The following PRPH variants were observed in gnomAD, a reference collection of about 807,000 sequenced individuals.
The protein encoded by PRPH is neurofilament 4 (57kD).
In PRPH, 48 loss-of-function variants were observed where a neutral mutation model predicts 52.6. The ratio of observed to expected loss-of-function variants is 0.91; its 90% CI spans 0.72 to 1.16. The LOEUF (loss-of-function observed/expected upper bound fraction) is 1.16. Ranked by LOEUF, PRPH falls within the 50% of genes most tolerant of loss-of-function variation. The pLI, the probability that PRPH is intolerant of heterozygous loss-of-function variation, is 0.00. For missense variants in PRPH, 579 were observed against 635.7 expected (o/e 0.91, Z 0.96); for synonymous variants, 279 against 283.8 (o/e 0.98, Z 0.17).
In PRPH at chr12:49,296,272, C is replaced by A; in HGVS notation, c.606+34C>A. 6.2e-7 allele frequency: 1 copy of A among 1,609,140 alleles called. No individual in the cohort carries two copies. Among genetic ancestry groups the A allele is most frequent in the East Asian group, 2.2e-5 (1 of 44,778 alleles). ...GAGCCCCTCTCCGAGTTCAGCCTCC[C>A]CACCGCTACCCCCGATCTCAGTATC... is the stretch of plus-strand genomic sequence containing the variant. On this transcript the variant is annotated intron_variant, in intron 2 of 8. Transcript: ENST00000257860. The surrounding 1 kb of genome is among the most constrained non-coding windows in gnomAD (Gnocchi z 5.1).
At position 49,296,667 on chromosome 12, in the gene PRPH, G is replaced by A; in HGVS notation, c.702+140G>A. ...GCCCCTCCACCCTAGTCTACAGGTGGTTAGACTCCCACCCTTGCGCCACCT... is the reference window on the plus strand; with the variant it reads ...GCCCCTCCACCCTAGTCTACAGGTGATTAGACTCCCACCCTTGCGCCACCT... On this transcript the variant is annotated intron_variant, in intron 3 of 8. Transcript: ENST00000257860. The surrounding 1 kb of genome is among the most constrained non-coding windows in gnomAD (Gnocchi z 5.1). The A allele has an allele frequency of 1.8e-6, 2 of 1,100,468 alleles. No individual in the cohort carries two copies. Among genetic ancestry groups the A allele is most frequent in the East Asian group, 5.2e-5 (2 of 38,800 alleles). The allele number at this position is 1,100,468 out of a possible 1,614,324, so 68.2% of individuals were successfully genotyped here.
rs1200297808 is a variant in PRPH, at chr12:49,295,313, CCCGCTTCTCCAGCAG to C, written c.118_132del (p.Phe40_Arg44del). The C allele has an allele frequency of 7.4e-6, 12 of 1,611,610 alleles. No homozygotes were observed. Among genetic ancestry groups the C allele is most frequent in the Non-Finnish European group, 1.0e-5 (12 of 1,179,596 alleles). On this transcript the variant is annotated inframe_deletion, in exon 1 of 9. Transcript: ENST00000257860. ...GGGGCCTTCTCCTACTCGTCCAGCTCCCGCTTCTCCAGCAGCCGCCTGCTGGGCTCCGCGTCCCCG... is the reference window on the plus strand; with the variant it reads ...GGGGCCTTCTCCTACTCGTCCAGCTCCCGCCTGCTGGGCTCCGCGTCCCCG...
Position 49,296,960 on chromosome 12 carries a change from G to A in PRPH, c.774G>A (p.Lys258=), listed in dbSNP as rs1422766104. Residue 258 remains lysine, a synonymous_variant, in exon 4 of 9, where the codon AAG becomes AAA. Coordinates refer to ENST00000257860, the MANE Select transcript of PRPH (RefSeq NM_006262.4). This position sits in a 1 kb window ranked among gnomAD's most constrained non-coding sequence, Gnocchi z 5.1. ...VQQVEVEATV[K]PELTAALRDI... ...AGGTGGAGGTGGAAGCCACGGTGAA[G>A]CCCGAGCTGACGGCAGCGCTGAGGG... 1.9e-6 allele frequency: 3 copies of A among 1,613,738 alleles called. No homozygotes were observed. Among genetic ancestry groups the A allele is most frequent in the East Asian group, 2.2e-5 (1 of 44,858 alleles).
rs763900023 is a variant in PRPH at position 49,296,194 on chromosome 12, C to T, written c.562C>T (p.Arg188Cys). The T allele has an allele frequency of 7.4e-6, 12 of 1,612,668 alleles. No individual in the cohort carries two copies. Among genetic ancestry groups the T allele is most frequent in the Non-Finnish European group, 9.3e-6 (11 of 1,179,884 alleles). Residue 188 changes from arginine (R) to cysteine (C), a missense_variant, in exon 2 of 9, where the codon CGC becomes TGC. By Grantham distance (180) the Arg-to-Cys change is radical. Transcript: ENST00000257860. This position sits in a 1 kb window ranked among gnomAD's most constrained non-coding sequence, Gnocchi z 5.1. ...ALKQRLEEET[R>C]KREDAEHNLV... ...TCCCGTCAGGTTGGAGGAGGAGACG[C>T]GCAAGCGGGAGGACGCGGAGCACAA...
Position 49,298,574 on chromosome 12 carries a change from TAAG to T in PRPH, c.*225_*227del. 1 of 571,658 alleles carries T rather than the reference TAAG, an allele frequency of 1.7e-6. No homozygotes were observed. The highest frequency in any genetic ancestry group is 3.1e-6 in the Non-Finnish European group (1 of 318,004). 35.4% of individuals were successfully genotyped at this position (571,658 alleles called of 1,614,324 possible). On this transcript the variant is annotated 3_prime_UTR_variant, in exon 9 of 9. Coordinates refer to ENST00000257860, the MANE Select transcript of PRPH (RefSeq NM_006262.4). ...ATGTGCTTCCCTTTTCATGTCCCGA[TAAG>T]AAGCCAATGATCCCCCCTCAGGACA...
In PRPH at chr12:49,297,567, G is replaced by T. The variant is rs769495956; in HGVS notation, c.1207G>T (p.Glu403Ter). 3 of 1,609,164 alleles carry T rather than the reference G, an allele frequency of 1.9e-6. No individual in the cohort carries two copies. Among genetic ancestry groups the T allele is most frequent in the South Asian group, 2.2e-5 (2 of 90,964 alleles). The change falls in exon 6 of 9, where the codon GAG (glutamate) becomes TAG (stop). Residue 403 changes from glutamate to a stop codon, truncating the protein, a stop_gained. Coordinates refer to ENST00000257860, the MANE Select transcript of PRPH (RefSeq NM_006262.4). LOFTEE classifies it high-confidence loss of function. This position sits in a 1 kb window ranked among gnomAD's most constrained non-coding sequence, Gnocchi z 4.4. ...IATYRKLLEG[E>*]ESRISVPVHS... ...CACCTACCGCAAGCTGCTGGAGGGCGAGGAGAGCCGGTGAGGGTGGAGCTG... is the reference window on the plus strand; with the variant it reads ...CACCTACCGCAAGCTGCTGGAGGGCTAGGAGAGCCGGTGAGGGTGGAGCTG...
In PRPH at chr12:49,298,467, C is replaced by A; in HGVS notation, c.*114C>A. 1.7e-6 allele frequency: 2 copies of A among 1,210,102 alleles called. No individual in the cohort carries two copies. Among genetic ancestry groups the A allele is most frequent in the Non-Finnish European group, 2.4e-6 (2 of 838,084 alleles). The allele number at this position is 1,210,102 out of a possible 1,614,324, so 75.0% of individuals were successfully genotyped here. On this transcript the variant is annotated 3_prime_UTR_variant, in exon 9 of 9. Transcript: ENST00000257860. ...CATGTGTCTAAAAGGTGGTACCAGG[C>A]ATCCCTTTCCTGGCTTATGGCCAAG... is the stretch of plus-strand genomic sequence containing the variant.
At position 49,295,420 on chromosome 12, in the gene PRPH, C is replaced by A; in HGVS notation, c.220C>A (p.Pro74Thr). The A allele has an allele frequency of 1.2e-6, 2 of 1,605,088 alleles. No homozygotes were observed. Among genetic ancestry groups the A allele is most frequent in the Non-Finnish European group, 1.7e-6 (2 of 1,176,634 alleles). The change falls in exon 1 of 9, where the codon CCC becomes ACC. Residue 74 changes from proline (P) to threonine (T), a missense_variant. By Grantham distance (38) the Pro-to-Thr change is conservative. Coordinates refer to ENST00000257860, the MANE Select transcript of PRPH (RefSeq NM_006262.4). Reference sequence around the variant, plus strand: ...GGGAGCGGGCGCCCTCCTGCGCCTGCCCTCGGAGCGCCTCGACTTCTCCAT... The same window carrying A: ...GGGAGCGGGCGCCCTCCTGCGCCTGACCTCGGAGCGCCTCGACTTCTCCAT... ...RAGAGALLRL[P>T]SERLDFSMAE...
chr12:49,296,320 G>C lies in PRPH; in HGVS notation c.606+82G>C. On this transcript the variant is annotated intron_variant, in intron 2 of 8. Coordinates refer to ENST00000257860, the MANE Select transcript of PRPH (RefSeq NM_006262.4). This position sits in a 1 kb window ranked among gnomAD's most constrained non-coding sequence, Gnocchi z 5.1. ...ATCCAGAGGTGGCATCGGTGGGCGC[G>C]GGGAGAAGGGGGTAACCCAGATGCC... The C allele has an allele frequency of 3.2e-6, 5 of 1,568,504 alleles. No homozygotes were observed. Among genetic ancestry groups the C allele is most frequent in the South Asian group, 1.1e-5 (1 of 88,830 alleles).
chr12:49,297,627 G>T lies in PRPH; in HGVS notation c.1217+50G>T. 1 of 1,611,484 alleles carries T rather than the reference G, an allele frequency of 6.2e-7. No homozygotes were observed. Among genetic ancestry groups the T allele is most frequent in the Non-Finnish European group, 8.5e-7 (1 of 1,179,618 alleles). ...GGCAGGGCGGGGTCGGGACTGGGCC[G>T]GGCAGGGCGGGGCCTGGGCAGGGGC... is the stretch of plus-strand genomic sequence containing the variant. On this transcript the variant is annotated intron_variant, in intron 6 of 8. Coordinates refer to ENST00000257860, the MANE Select transcript of PRPH (RefSeq NM_006262.4). This position sits in a 1 kb window ranked among gnomAD's most constrained non-coding sequence, Gnocchi z 4.4.
chr12:49,298,119 T>G, intron 8 of PRPH, 82 bp downstream of exon 8: 3 of 1,526,340 alleles, frequency 2.0e-6, no homozygotes, highest in Non-Finnish European at 2.7e-6. Context: ...CTAATCTTAC[T>G]TAGGGTGGGT....
At position 49,296,661 on chromosome 12, in the gene PRPH, C is replaced by T. The variant is rs1334105253; in HGVS notation, c.702+134C>T. 1.8e-6 allele frequency: 2 copies of T among 1,091,850 alleles called. No individual in the cohort carries two copies. Among genetic ancestry groups the T allele is most frequent in the Non-Finnish European group, 2.7e-6 (2 of 740,950 alleles). 67.6% of individuals were successfully genotyped at this position (1,091,850 alleles called of 1,614,324 possible). ...GACGCAGCCCCTCCACCCTAGTCTA[C>T]AGGTGGTTAGACTCCCACCCTTGCG... is the stretch of plus-strand genomic sequence containing the variant. On this transcript the variant is annotated intron_variant, in intron 3 of 8. Transcript: ENST00000257860. The surrounding 1 kb of genome is among the most constrained non-coding windows in gnomAD (Gnocchi z 5.1).
chr12:49,296,673 C>T lies in PRPH; in HGVS notation c.702+146C>T, dbSNP rs1267476485. ...CCACCCTAGTCTACAGGTGGTTAGA[C>T]TCCCACCCTTGCGCCACCTGGCGGC... On this transcript the variant is annotated intron_variant, in intron 3 of 8. Transcript: ENST00000257860. The surrounding 1 kb of genome is among the most constrained non-coding windows in gnomAD (Gnocchi z 5.1). The T allele has an allele frequency of 2.7e-6, 3 of 1,098,118 alleles. No homozygotes were observed. The highest frequency in any genetic ancestry group is 2.7e-6 in the Non-Finnish European group (2 of 752,054). 68.0% of individuals were successfully genotyped at this position (1,098,118 alleles called of 1,614,324 possible). A position where few individuals can be genotyped will look rare whatever the true frequency, so the allele number is the denominator to read the frequency against.
chr12:49,295,751 G>GGGGCA lies in PRPH; in HGVS notation c.545+11_545+15dup. 6.7e-7 allele frequency: 1 copy of GGGGCA among 1,490,696 alleles called. No homozygotes were observed. The highest frequency in any genetic ancestry group is 8.9e-7 in the Non-Finnish European group (1 of 1,128,596). The allele number at this position is 1,490,696 out of a possible 1,614,324, so 92.3% of individuals were successfully genotyped here. On this transcript the variant is annotated splice_region_variant and intron_variant, in intron 1 of 8. Coordinates refer to ENST00000257860, the MANE Select transcript of PRPH (RefSeq NM_006262.4). Reference sequence around the variant, plus strand: ...CTGGCGGCGCTCAAGCAGAGGTCAGGGGGCAGGGCTGGGCCGCTGCCGTCG... The same window carrying GGGGCA: ...CTGGCGGCGCTCAAGCAGAGGTCAGGGGGCAGGGCAGGGCTGGGCCGCTGCCGTCG...
chr12:49,297,488 G>A lies in PRPH; in HGVS notation c.1128G>A (p.Leu376=). The A allele has an allele frequency of 6.2e-7, 1 of 1,612,748 alleles. No individual in the cohort carries two copies. The highest frequency in any genetic ancestry group is 8.5e-7 in the Non-Finnish European group (1 of 1,179,954). ...TAAAAGAGGAGATGGCGCGGCACCT[G>A]AGGGAGTACCAGGAGCTCCTCAACG... is the stretch of plus-strand genomic sequence containing the variant. ...RQLKEEMARH[L]REYQELLNVK... The change falls in exon 6 of 9, where the codon CTG becomes CTA. Residue 376 remains leucine, a synonymous_variant. Coordinates refer to ENST00000257860, the MANE Select transcript of PRPH (RefSeq NM_006262.4). This position sits in a 1 kb window ranked among gnomAD's most constrained non-coding sequence, Gnocchi z 4.4.
At chr12:49,295,905 G>T in intron 1 of PRPH, 160 bp downstream of exon 1, 1 of 1,441,608 alleles carries the variant, frequency 6.9e-7, no homozygotes, top group Non-Finnish European at 9.1e-7. Context: ...CTGCCCACGG[G>T]CTCCAAGTGC....
chr12:49,295,817 T>TCC, intron 1 of PRPH, 72 bp downstream of exon 1: 2 of 1,432,640 alleles, frequency 1.4e-6, no homozygotes, highest in Non-Finnish European at 1.8e-6. Context: ...TGCTCTTGCC[T>TCC]CCCCTCGCTT....
rs1445287866 is a variant in PRPH, at chr12:49,295,749, A to G, written c.545+4A>G. The stretch of plus-strand genomic sequence containing the variant: ...ACCTGGCGGCGCTCAAGCAGAGGTC[A>G]GGGGGCAGGGCTGGGCCGCTGCCGT... On this transcript the variant is annotated splice_donor_region_variant and intron_variant, in intron 1 of 8. Transcript: ENST00000257860. 6.7e-7 allele frequency: 1 copy of G among 1,499,048 alleles called. No individual in the cohort carries two copies. Among genetic ancestry groups the G allele is most frequent in the South Asian group, 1.3e-5 (1 of 77,254 alleles). 92.9% of individuals were successfully genotyped at this position (1,499,048 alleles called of 1,614,324 possible).
At chr12:49,295,802 G>T in intron 1 of PRPH, 57 bp downstream of exon 1, 1 of 1,439,638 alleles carries the variant, frequency 6.9e-7, no homozygotes, top group Admixed American at 2.9e-5. Flanking sequence ...GGCCGTCGAG[G>T]CGGCTGCTCT....
Sources: allele counts gnomAD v4.1 joint callset, GRCh38; gene constraint gnomAD v4.1.1; non-coding constraint Gnocchi (gnomAD v3.1); transcripts MANE v1.5; gene names NCBI Gene and HGNC (gene_info 2026-07-23, HGNC 2026-07-21).